FSTL5: variants seen among roughly 807,000 people sequenced by gnomAD.
FSTL5 encodes the protein follistatin like 5.
In FSTL5, 62 loss-of-function variants were observed where a neutral mutation model predicts 89.1. That is an observed-to-expected ratio of 0.70 (90% CI 0.57 to 0.86). The LOEUF (loss-of-function observed/expected upper bound fraction) is 0.86, where lower values mean the gene tolerates loss of function less well. FSTL5 is among the 40% of genes least tolerant of loss of function. FSTL5 has a pLI of 0.00. For synonymous variants in FSTL5, 383 were observed against 346.2 expected (o/e 1.11, Z -1.18); for missense variants, 1,057 against 1,001.6 (o/e 1.06, Z -0.75).
intron 8 of FSTL5, among the ~76,000 whole-genome samples, chr4:161,575,523 G>T (rs1044265745): frequency 2.0e-5 from 3 of 151,614 alleles, no homozygotes; most frequent in African/African-American, 7.3e-5. Context: ...GGTGCATCTT[G>T]GTTCACTGAA....
intron 6 of FSTL5, among the ~76,000 whole-genome samples, chr4:161,719,824 A>C (rs558815393): frequency 2.0e-5 from 3 of 152,276 alleles, no homozygotes; most frequent in Admixed American, 6.5e-5. Context: ...CTGTAACTTC[A>C]CTAAATTTGT....
chr4:162,122,634 T>C (rs1308631680), intron 1 of FSTL5, among the ~76,000 whole-genome samples: 2 of 152,108 alleles, frequency 1.3e-5, no homozygotes, highest in African/African-American at 4.8e-5. Flanking sequence ...ACAACATCTG[T>C]ATGTCATAGT....
intron 2 of FSTL5, among the ~76,000 whole-genome samples, chr4:162,096,002 A>G (rs560640174): frequency 1.3e-5 from 2 of 151,972 alleles, no homozygotes; most frequent in Admixed American, 1.3e-4. Flanking sequence ...GTAGCAACCC[A>G]GACACATGCA....
intron 1 of FSTL5, among the ~76,000 whole-genome samples, chr4:162,135,299 T>C (rs1050685796): frequency 9.2e-5 from 14 of 151,974 alleles, no homozygotes; most frequent in African/African-American, 3.4e-4. Flanking sequence ...TTCAATAAGG[T>C]AGTTTTTCTT....
chr4:161,455,021 G>A lies in FSTL5; in HGVS notation c.1824C>T (p.Leu608=). Residue 608 remains leucine, a synonymous_variant, in exon 15 of 16, where the codon CTC becomes CTT. Transcript: ENST00000306100. Reference sequence around the variant, plus strand: ...GCACTTACCTCATATGGGTGATAATGAGTGTTGTGGTGGGAATGAAAAAAT... The same window carrying A: ...GCACTTACCTCATATGGGTGATAATAAGTGTTGTGGTGGGAATGAAAAAAT... ...VDDFFIPTTT[L]IITHMRFGFI... is the part of the protein sequence containing the mutation. The A allele has an allele frequency of 6.2e-7, 1 of 1,613,554 alleles. No homozygotes were observed. The highest frequency in any genetic ancestry group is 8.5e-7 in the Non-Finnish European group (1 of 1,179,696).
chr4:161,645,016 A>G (rs912329771), intron 7 of FSTL5, among the ~76,000 whole-genome samples: 2 of 152,206 alleles, frequency 1.3e-5, no homozygotes, highest in Admixed American at 1.3e-4. Context: ...AAACACTGCA[A>G]GTACATAGGG....
At chr4:161,785,715 G>GT (rs1403443056) in intron 4 of FSTL5, among the ~76,000 whole-genome samples, 1 of 152,150 alleles carries the variant, frequency 6.6e-6, no homozygotes, top group Admixed American at 6.5e-5. Context: ...CCTTAAGCAT[G>GT]TTTAATGCTG....
chr4:161,395,700 C>A (rs1730973713), intron 15 of FSTL5, among the ~76,000 whole-genome samples: 1 of 151,912 alleles, frequency 6.6e-6, no homozygotes, highest in Non-Finnish European at 1.5e-5. Context: ...CATATTTATA[C>A]ATATTATACA....
intron 6 of FSTL5, among the ~76,000 whole-genome samples, chr4:161,735,565 T>C (rs181230884): frequency 2.4e-4 from 37 of 152,316 alleles, no homozygotes; most frequent in Admixed American, 1.8e-3. Flanking sequence ...CTGAGATCAG[T>C]TAGCTAAGAT....
chr4:161,497,350 T>C (rs1393137998), intron 12 of FSTL5, among the ~76,000 whole-genome samples: 10 of 152,076 alleles, frequency 6.6e-5, no homozygotes, highest in Admixed American at 6.5e-4. Context: ...AGTTTCTCCA[T>C]ATATTCTGTA....
intron 15 of FSTL5, among the ~76,000 whole-genome samples, chr4:161,391,530 C>T (rs1167950167): frequency 6.6e-6 from 1 of 152,122 alleles, no homozygotes; most frequent in Non-Finnish European, 1.5e-5. Context: ...CATGAGCTAT[C>T]ATTCATTTAT....
At chr4:162,156,093 C>T (rs981248463) in intron 1 of FSTL5, among the ~76,000 whole-genome samples, 22 of 152,048 alleles carry the variant, frequency 1.4e-4, no homozygotes, top group African/African-American at 5.3e-4. Flanking sequence ...GCTCTGTGGG[C>T]AATACCTTAA....
chr4:161,797,513 C>T (rs1729668068), intron 4 of FSTL5, among the ~76,000 whole-genome samples: 1 of 151,450 alleles, frequency 6.6e-6, no homozygotes, highest in Admixed American at 6.6e-5. Flanking sequence ...GTAGTCTTAG[C>T]CATTCTTGCA....
At chr4:161,788,849 G>A (rs1054725482) in intron 4 of FSTL5, among the ~76,000 whole-genome samples, 1 of 152,186 alleles carries the variant, frequency 6.6e-6, no homozygotes, top group African/African-American at 2.4e-5. Context: ...AGTGAGCCAC[G>A]ATTGTGCTAC....
At chr4:161,554,101 A>G (rs2126561403) in intron 8 of FSTL5, among the ~76,000 whole-genome samples, 1 of 151,722 alleles carries the variant, frequency 6.6e-6, no homozygotes, top group South Asian at 2.1e-4. Context: ...AGAAATGAAA[A>G]ATGGAGGAAA....
intron 6 of FSTL5, among the ~76,000 whole-genome samples, chr4:161,666,939 T>C (rs114191207): frequency 0.023 from 3,472 of 152,148 alleles, 61 homozygotes; most frequent in South Asian, 0.045. Context: ...GACTTTTCAA[T>C]GAAAGTCTTT....
intron 2 of FSTL5, chr4:162,042,132 A>G (rs1489513675): frequency 6.6e-6 from 1 of 152,036 alleles, no homozygotes; most frequent in Non-Finnish European, 1.5e-5. Context: ...CCTGGGCAAT[A>G]AGAGCAAAAC....
chr4:161,721,919 T>C (rs974545416), intron 6 of FSTL5, among the ~76,000 whole-genome samples: 1 of 152,192 alleles, frequency 6.6e-6, no homozygotes. Flanking sequence ...GGTATCATTG[T>C]AGTGGTGAGC....
At chr4:161,732,591 T>A (rs984019905) in intron 6 of FSTL5, among the ~76,000 whole-genome samples, 2 of 152,082 alleles carry the variant, frequency 1.3e-5, no homozygotes, top group African/African-American at 4.8e-5. Context: ...CAAAATTGTA[T>A]TCTATGCTTT....
Sources: gnomAD v4.1 joint callset for allele counts (sites outside exome capture counted in the v4.1 genomes callset) on GRCh38, gnomAD v4.1.1 for gene constraint, MANE v1.5 for transcripts, NCBI Gene and HGNC (gene_info 2026-07-23, HGNC 2026-07-21) for gene names.